Variants in PIBF1 observed in about 807,000 individuals in gnomAD.
PIBF1 encodes progesterone-induced-blocking factor 1.
Under a neutral mutation model 112.5 loss-of-function variants are expected in PIBF1, and 90 were observed. The observed-to-expected ratio is 0.80, with a 90% CI of 0.67 to 0.95. PIBF1 has a LOEUF of 0.95. Ranked by LOEUF, PIBF1 falls within the 40% of genes least tolerant of loss-of-function variation. PIBF1 has a pLI of 0.00. For synonymous variants in PIBF1, 301 were observed against 288.6 expected (o/e 1.04, Z -0.44); for missense variants, 915 against 852.3 (o/e 1.07, Z -0.92).
intron 10 of PIBF1, among the ~76,000 whole-genome samples, chr13:72,891,460 T>A (rs561751478): frequency 6.6e-6 from 1 of 151,636 alleles, no homozygotes; most frequent in Non-Finnish European, 1.5e-5. Flanking sequence ...GGGACATTTG[T>A]ATGTCATAAA....
At position 72,835,195 on chromosome 13, in the gene PIBF1, A is replaced by C; in HGVS notation, c.1098-48A>C. ...AATCTTACGTACAGTGCAAAAGCCT[A>C]TTTGTTTCAAAAGAAAATTTATGGT... On this transcript the variant is annotated intron_variant, in intron 8 of 17. Transcript: ENST00000326291. 4.8e-6 allele frequency: 7 copies of C among 1,446,168 alleles called. No individual in the cohort carries two copies. The South Asian group carries it at 9.0e-5, about 19-fold the overall frequency. The allele number at this position is 1,446,168 out of a possible 1,614,324, so 89.6% of individuals were successfully genotyped here.
intron 5 of PIBF1, among the ~76,000 whole-genome samples, chr13:72,819,981 A>G (rs944035606): frequency 2.6e-5 from 4 of 151,852 alleles, no homozygotes; most frequent in African/African-American, 7.3e-5. Flanking sequence ...TATTCCTTGT[A>G]TTTATGTTCC....
intron 16 of PIBF1, among the ~76,000 whole-genome samples, chr13:72,990,528 C>T (rs1341007073): frequency 3.1e-5 from 2 of 63,780 alleles, no homozygotes; most frequent in Non-Finnish European, 7.6e-5. Flanking sequence ...CTCTCCATCT[C>T]AAAAAAAAAA....
At chr13:72,857,563 A>G (rs7331057) in intron 10 of PIBF1, among the ~76,000 whole-genome samples, 118,063 of 152,214 alleles carry the variant, frequency 0.78, 46,111 homozygotes, top group South Asian at 0.85. Flanking sequence ...TTTCAGCTGG[A>G]CATGGTGGCT....
intron 14 of PIBF1, among the ~76,000 whole-genome samples, chr13:72,935,755 G>C (rs1177986716): frequency 1.3e-5 from 2 of 152,054 alleles, no homozygotes; most frequent in East Asian, 3.9e-4. Flanking sequence ...TATTAGTGTG[G>C]TTTTAATTTG....
chr13:72,881,590 C>T (rs1221930545), intron 10 of PIBF1, among the ~76,000 whole-genome samples: 2 of 151,796 alleles, frequency 1.3e-5, no homozygotes, highest in African/African-American at 2.4e-5. Context: ...GTGGTGTGCA[C>T]CTGTAATCCT....
chr13:72,850,714 A>G (rs1249259842), intron 9 of PIBF1, among the ~76,000 whole-genome samples: 9 of 152,234 alleles, frequency 5.9e-5, no homozygotes, highest in Non-Finnish European at 1.0e-4. Flanking sequence ...TGACTAAAAT[A>G]TTTACATCAT....
At chr13:72,882,238 A>G (rs2039672068) in intron 10 of PIBF1, among the ~76,000 whole-genome samples, 1 of 152,224 alleles carries the variant, frequency 6.6e-6, no homozygotes, top group African/African-American at 2.4e-5. Flanking sequence ...GCATGTCCAT[A>G]TGCAGAAGAA....
chr13:72,842,823 G>C (rs1464418044), intron 9 of PIBF1, among the ~76,000 whole-genome samples: 4 of 152,188 alleles, frequency 2.6e-5, no homozygotes, highest in Non-Finnish European at 4.4e-5. Flanking sequence ...TGGCTCTGCA[G>C]ATAACTCTCT....
At chr13:72,804,283 A>C (rs577062105) in intron 5 of PIBF1, among the ~76,000 whole-genome samples, 117 of 152,322 alleles carry the variant, frequency 7.7e-4, no homozygotes, top group African/African-American at 2.6e-3. Context: ...AGAGAAAAGC[A>C]TAACAAATTT....
At chr13:72,875,439 A>G (rs1332830078) in intron 10 of PIBF1, among the ~76,000 whole-genome samples, 1 of 152,164 alleles carries the variant, frequency 6.6e-6, no homozygotes, top group Non-Finnish European at 1.5e-5. Flanking sequence ...TCTTATGGTA[A>G]GAGTGCTTAG....
intron 8 of PIBF1, among the ~76,000 whole-genome samples, chr13:72,830,046 G>C (rs1321063833): frequency 1.3e-5 from 2 of 152,144 alleles, no homozygotes; most frequent in Admixed American, 1.3e-4. Flanking sequence ...TAGCAGTTGT[G>C]AATGGGAGTT....
intron 10 of PIBF1, among the ~76,000 whole-genome samples, chr13:72,875,485 T>A (rs2039356752): frequency 6.8e-6 from 1 of 146,454 alleles, no homozygotes; most frequent in Admixed American, 6.8e-5. Flanking sequence ...CAGTGTAGTG[T>A]GGGGGAAAAA....
At chr13:72,930,724 A>C (rs2041671457) in intron 13 of PIBF1, among the ~76,000 whole-genome samples, 1 of 152,160 alleles carries the variant, frequency 6.6e-6, no homozygotes, top group South Asian at 2.1e-4. Context: ...TATAACATGC[A>C]TTATGTTGTT....
intron 15 of PIBF1, 125 bp from the exon 16 acceptor site, chr13:72,973,466 A>G (rs1405364433): frequency 3.8e-6 from 2 of 526,698 alleles, no homozygotes; most frequent in Non-Finnish European, 6.6e-6. Context: ...TGGAATATTT[A>G]TGGACTATAA....
chr13:72,979,354 T>TAAAA, intron 16 of PIBF1, among the ~76,000 whole-genome samples: 1 of 152,348 alleles, frequency 6.6e-6, no homozygotes, highest in African/African-American at 2.4e-5. Flanking sequence ...ATTCTGCTTT[T>TAAAA]CTTTGTATAT....
chr13:72,902,281 T>C (rs921482624), intron 11 of PIBF1, among the ~76,000 whole-genome samples: 2 of 149,154 alleles, frequency 1.3e-5, no homozygotes, highest in African/African-American at 4.8e-5. Context: ...TATAGTGCAG[T>C]GTATACTGCC....
intron 17 of PIBF1, among the ~76,000 whole-genome samples, chr13:73,002,855 A>G (rs2043914397): frequency 6.6e-6 from 1 of 151,912 alleles, no homozygotes; most frequent in African/African-American, 2.4e-5. Context: ...GTGGTGGTGC[A>G]TGCCTGTAGT....
rs566794630 is a variant in PIBF1 at position 73,016,126 on chromosome 13, A to AAT, written c.*214_*215dup. ...ATTTTTTTTTCTATTTTATAAAATA[A>AAT]ATATATATGCTATGCTTTAAATTTT... On this transcript the variant is annotated 3_prime_UTR_variant, in exon 18 of 18. Transcript: ENST00000326291. The AAT allele has an allele frequency of 4.6e-6, 1 of 218,168 alleles. No homozygotes were observed. Among genetic ancestry groups the AAT allele is most frequent in the Admixed American group, 5.7e-5 (1 of 17,442 alleles). The allele number at this position is 218,168 out of a possible 1,614,324, so 13.5% of individuals were successfully genotyped here. A position where few individuals can be genotyped will look rare whatever the true frequency, so the allele number is the denominator to read the frequency against.
Sources: gnomAD v4.1 joint callset for allele counts (sites outside exome capture counted in the v4.1 genomes callset) on GRCh38, gnomAD v4.1.1 for gene constraint, MANE v1.5 for transcripts, NCBI Gene and HGNC (gene_info 2026-07-23, HGNC 2026-07-21) for gene names.